FAT3: variants seen among roughly 807,000 people sequenced by gnomAD.
FAT3 encodes protocadherin Fat 3.
Under a neutral mutation model 310.2 loss-of-function variants are expected in FAT3, and 95 were observed. That is an observed-to-expected ratio of 0.31 (90% CI 0.26 to 0.36). The LOEUF (loss-of-function observed/expected upper bound fraction) is 0.36, where lower values mean the gene tolerates loss of function less well. FAT3 is among the 10% of genes least tolerant of loss of function. The pLI is 1.00. For missense variants in FAT3, 5,408 were observed against 5,715.6 expected (o/e 0.95, Z 1.74); for synonymous variants, 2,314 against 2,192.9 (o/e 1.06, Z -1.54).
At chr11:92,759,915 C>T (rs1028896039) in intron 4 of FAT3, among the ~76,000 whole-genome samples, 7 of 151,956 alleles carry the variant, frequency 4.6e-5, no homozygotes, top group African/African-American at 1.7e-4. Context: ...ATTTTGTGCA[C>T]GATGAAGACA....
At chr11:92,517,506 A>C (rs1221339454) in intron 2 of FAT3, among the ~76,000 whole-genome samples, 1 of 152,186 alleles carries the variant, frequency 6.6e-6, no homozygotes. Context: ...ATAAGACCTA[A>C]AACCATAAAA....
chr11:92,828,226 A>C (rs1292768379), intron 13 of FAT3, among the ~76,000 whole-genome samples: 2 of 152,072 alleles, frequency 1.3e-5, no homozygotes, highest in African/African-American at 4.8e-5. Context: ...CATGACCTGC[A>C]TTCCTTATAA....
chr11:92,453,255 G>T (rs1233797917), intron 2 of FAT3, among the ~76,000 whole-genome samples: 1 of 152,186 alleles, frequency 6.6e-6, no homozygotes, highest in African/African-American at 2.4e-5. Flanking sequence ...TTATTACTCA[G>T]ATGCTGCTTT....
intron 1 of FAT3, among the ~76,000 whole-genome samples, chr11:92,242,970 C>T (rs1864726529): frequency 6.6e-6 from 1 of 151,220 alleles, no homozygotes; most frequent in African/African-American, 2.4e-5. Context: ...TTTCGGAGGA[C>T]TGTTTTTTTT....
chr11:92,275,722 A>G (rs1191315871), intron 1 of FAT3, among the ~76,000 whole-genome samples: 1 of 152,132 alleles, frequency 6.6e-6, no homozygotes, highest in Admixed American at 6.6e-5. Flanking sequence ...TCAGGAGCAC[A>G]TGAGTTGTGT....
At chr11:92,500,267 C>T (rs117301881) in intron 2 of FAT3, among the ~76,000 whole-genome samples, 8 of 152,026 alleles carry the variant, frequency 5.3e-5, no homozygotes, top group Non-Finnish European at 1.2e-4. Flanking sequence ...TTAAATTAGA[C>T]TATGTTATTA....
At chr11:92,417,830 A>G (rs1950449593) in intron 2 of FAT3, among the ~76,000 whole-genome samples, 1 of 152,216 alleles carries the variant, frequency 6.6e-6, no homozygotes, top group Non-Finnish European at 1.5e-5. Context: ...ACACAGAACC[A>G]TTGCAGCTCA....
rs2136086680 is a variant in FAT3, at chr11:92,762,165, C to A, written c.3979C>A (p.Leu1327Ile). 1 of 1,608,368 alleles carries A rather than the reference C, an allele frequency of 6.2e-7. No homozygotes were observed. Residue 1327 changes from leucine to isoleucine, a missense_variant, in exon 5 of 28, where the codon CTA becomes ATA. By Grantham distance (5) the Leu-to-Ile change is conservative (BLOSUM62 2). Transcript: ENST00000525166. ...KQFTAGSYDI[L>I]TIKAVDNGRP... ...GTTTACAGCAGGCAGTTATGACATC[C>A]TAACGGTAAGATCTTCCAAACTCCA...
At position 92,524,693 on chromosome 11, in the gene FAT3, G is replaced by C; in HGVS notation, c.3352G>C (p.Val1118Leu). The stretch of plus-strand genomic sequence containing the variant: ...GACAATGGGGTCATACTGGCTAACA[G>C]TGTATGCCACAGACAGGGGCGTTGT... ...RETMGSYWLT[V>L]YATDRGVVPL... is the part of the protein sequence containing the mutation. The change falls in exon 3 of 28, where the codon GTG becomes CTG. Residue 1118 changes from valine (V) to leucine (L), a missense_variant. Transcript: ENST00000525166. The C allele has an allele frequency of 6.2e-7, 1 of 1,613,870 alleles. No homozygotes were observed. Among genetic ancestry groups the C allele is most frequent in the Non-Finnish European group, 8.5e-7 (1 of 1,179,830 alleles).
At position 92,353,465 on chromosome 11, in the gene FAT3, A is replaced by G. The variant is rs1948629831; in HGVS notation, c.1353A>G (p.Glu451=). The change falls in exon 2 of 28, where the codon GAA becomes GAG. Residue 451 remains glutamate (E), a synonymous_variant. Transcript: ENST00000525166. ...EVYKLEVTNK[E]GDLKAQVTIS... is the part of the protein sequence containing the mutation. ...ATAAACTGGAGGTGACAAACAAGGA[A>G]GGAGATTTAAAAGCACAGGTCACCA... The G allele has an allele frequency of 6.2e-7, 1 of 1,613,436 alleles. No individual in the cohort carries two copies.
At chr11:92,782,648 T>C (rs1036545113) in intron 7 of FAT3, among the ~76,000 whole-genome samples, 2 of 152,208 alleles carry the variant, frequency 1.3e-5, no homozygotes, top group African/African-American at 4.8e-5. Flanking sequence ...ATTAAAAAGC[T>C]CTTTCAGATA....
rs1949258765 is a variant in FAT3, at chr11:92,866,814, C to A, written c.11732C>A (p.Ala3911Asp). 6.2e-7 allele frequency: 1 copy of A among 1,613,908 alleles called. No homozygotes were observed. Among genetic ancestry groups the A allele is most frequent in the Non-Finnish European group, 8.5e-7 (1 of 1,179,878 alleles). The part of the protein sequence containing the change: ...GPGILGISGR[A>D]VNDGSWHSVF... ...GGAATCTTGGGCATCTCGGGCCGTG[C>A]TGTCAACGACGGGAGCTGGCACTCG... The change falls in exon 22 of 28, where the codon GCT becomes GAT. Residue 3911 changes from alanine (A) to aspartate (D), a missense_variant. Ala to Asp is a moderately radical substitution (Grantham distance 126). This residue lies in a region of FAT3 where 4,588 missense variants were observed against 4,809.8 expected (regional missense o/e 0.95). Coordinates refer to ENST00000525166, the MANE Select transcript of FAT3 (RefSeq NM_001367949.2).
Position 92,712,487 on chromosome 11 carries a change from G to A in FAT3, c.3669+15042G>A, listed in dbSNP as rs143303955. Among the ~76,000 whole-genome samples, 686 of 152,250 alleles carry A rather than the reference G, an allele frequency of 4.5e-3. 4 individuals are homozygous for A. Among genetic ancestry groups the A allele is most frequent in the African/African-American group, 0.016 (657 of 41,544 alleles). ...ATATATAATTCATGAATATGAGTCTGTTGTGAAACCATAGATTACAAGGTC... is the reference window on the plus strand; with the variant it reads ...ATATATAATTCATGAATATGAGTCTATTGTGAAACCATAGATTACAAGGTC... On this transcript the variant is annotated intron_variant, in intron 4 of 27. Transcript: ENST00000525166.
intron 2 of FAT3, among the ~76,000 whole-genome samples, chr11:92,423,427 T>C (rs1301619709): frequency 2.0e-5 from 3 of 152,210 alleles, no homozygotes; most frequent in Non-Finnish European, 4.4e-5. Context: ...GAAAAGGATC[T>C]CATTACTTTG....
intron 2 of FAT3, among the ~76,000 whole-genome samples, chr11:92,373,948 T>A (rs976820019): frequency 6.6e-6 from 1 of 151,602 alleles, no homozygotes; most frequent in African/African-American, 2.4e-5. Context: ...CATGGGTCAA[T>A]TCAAGTTCAA....
At chr11:92,539,840 T>G (rs1390707453) in intron 3 of FAT3, among the ~76,000 whole-genome samples, 1 of 152,172 alleles carries the variant, frequency 6.6e-6, no homozygotes, top group African/African-American at 2.4e-5. Flanking sequence ...CTTTCAGTTT[T>G]CAAACATAAT....
chr11:92,513,888 A>G (rs922957528), intron 2 of FAT3, among the ~76,000 whole-genome samples: 1 of 152,184 alleles, frequency 6.6e-6, no homozygotes, highest in African/African-American at 2.4e-5. Context: ...ATACGCTGAT[A>G]GGTTGTTTGG....
At chr11:92,613,862 C>G (rs1402327530) in intron 3 of FAT3, among the ~76,000 whole-genome samples, 1 of 152,172 alleles carries the variant, frequency 6.6e-6, no homozygotes. Flanking sequence ...GTTATAGCCC[C>G]AAAAGCAAAC....
intron 3 of FAT3, among the ~76,000 whole-genome samples, chr11:92,561,483 A>G (rs1467134091): frequency 6.6e-6 from 1 of 152,060 alleles, no homozygotes; most frequent in Non-Finnish European, 1.5e-5. Flanking sequence ...TACATATAGG[A>G]CTTTGTTCCC....
Sources: allele counts gnomAD v4.1 joint callset (sites outside exome capture counted in the v4.1 genomes callset), GRCh38; gene constraint gnomAD v4.1.1; regional missense constraint gnomAD v4.1.1; transcripts MANE v1.5; gene names NCBI Gene and HGNC (gene_info 2026-07-23, HGNC 2026-07-21).